FUT8: variants seen among roughly 807,000 people sequenced by gnomAD.
The protein encoded by FUT8 is fucosyltransferase 8, also known as alpha-(1,6)-fucosyltransferase.
A neutral mutation model predicts 71.3 loss-of-function variants in FUT8; 29 were observed. The ratio of observed to expected loss-of-function variants is 0.41; its 90% CI spans 0.30 to 0.55. FUT8 has a LOEUF of 0.55. Among genes scored for constraint, FUT8 ranks in the 20% least tolerant of loss-of-function variants. The pLI is 0.34. For synonymous variants in FUT8, 254 were observed against 239.3 expected (o/e 1.06, Z -0.57); for missense variants, 544 against 702.1 (o/e 0.77, Z 2.55).
chr14:65,450,073 C>T (rs10150412), intron 1 of FUT8, among the ~76,000 whole-genome samples: 104,995 of 152,050 alleles, frequency 0.69, 36,546 homozygotes, highest in East Asian at 0.9. Flanking sequence ...ATTTTGTGTG[C>T]ATATGTATGC....
At chr14:65,633,632 G>A (rs1222439814) in intron 6 of FUT8, among the ~76,000 whole-genome samples, 36 of 143,612 alleles carry the variant, frequency 2.5e-4, no homozygotes, top group East Asian at 2.3e-3. Flanking sequence ...CTGCCCCGCC[G>A]CCCCGTCTGG....
chr14:65,482,924 A>G (rs1594683590), intron 2 of FUT8, among the ~76,000 whole-genome samples: 1 of 152,094 alleles, frequency 6.6e-6, no homozygotes, highest in South Asian at 2.1e-4. Context: ...GTCAACCCAC[A>G]TTGGCTTTCC....
chr14:65,629,020 G>C (rs1434598493), intron 5 of FUT8, among the ~76,000 whole-genome samples: 3 of 152,168 alleles, frequency 2.0e-5, no homozygotes, highest in Non-Finnish European at 4.4e-5. Context: ...GGTTTATACT[G>C]TTAAGAGTTG....
chr14:65,573,896 A>G (rs1323809653), intron 3 of FUT8, among the ~76,000 whole-genome samples: 2 of 152,162 alleles, frequency 1.3e-5, no homozygotes, highest in African/African-American at 4.8e-5. Flanking sequence ...TGTTCAACAA[A>G]TTACCAACCT....
intron 3 of FUT8, among the ~76,000 whole-genome samples, chr14:65,605,451 G>T (rs1888530445): frequency 6.6e-6 from 1 of 151,884 alleles, no homozygotes; most frequent in Non-Finnish European, 1.5e-5. Flanking sequence ...GGTCATTAAG[G>T]TGGACCCTAA....
At chr14:65,656,341 C>T (rs1376015538) in intron 6 of FUT8, among the ~76,000 whole-genome samples, 3 of 151,938 alleles carry the variant, frequency 2.0e-5, no homozygotes, top group African/African-American at 4.8e-5. Flanking sequence ...TATATGCCAA[C>T]AGTGAGCAAT....
At chr14:65,399,678 T>C in the FUT8 span, among the ~76,000 whole-genome samples, 1 of 152,200 alleles carries the variant, frequency 6.6e-6, no homozygotes. Context: ...GCATGGATTA[T>C]TTTATTAGGG....
At chr14:65,422,292 G>T (rs2065310211) in intron 1 of FUT8, among the ~76,000 whole-genome samples, 2 of 151,996 alleles carry the variant, frequency 1.3e-5, no homozygotes, top group South Asian at 4.2e-4. Flanking sequence ...AAGGCTTGGG[G>T]GTTTGTAGCA....
intron 2 of FUT8, among the ~76,000 whole-genome samples, chr14:65,485,560 G>A (rs999622398): frequency 2.6e-5 from 4 of 152,142 alleles, no homozygotes; most frequent in Non-Finnish European, 5.9e-5. Flanking sequence ...ATATTCCTAA[G>A]TCTGCATGAT....
At chr14:65,439,933 A>G (rs2139476914) in intron 1 of FUT8, among the ~76,000 whole-genome samples, 1 of 103,320 alleles carries the variant, frequency 9.7e-6, no homozygotes, top group South Asian at 3.6e-4. Flanking sequence ...GAATGGATAA[A>G]GAAAATGTGT....
At chr14:65,508,790 C>A (rs1046859007) in intron 2 of FUT8, among the ~76,000 whole-genome samples, 1 of 152,088 alleles carries the variant, frequency 6.6e-6, no homozygotes. Context: ...GCCTGAGCCA[C>A]CGTGCTTGGC....
At chr14:65,525,588 T>G (rs1035771901) in intron 2 of FUT8, among the ~76,000 whole-genome samples, 1 of 152,226 alleles carries the variant, frequency 6.6e-6, no homozygotes, top group African/African-American at 2.4e-5. Context: ...CTTAGTTATT[T>G]CTTGCCTTCT....
chr14:65,529,494 A>G (rs1218232619), intron 2 of FUT8: 1 of 152,644 alleles, frequency 6.6e-6, no homozygotes, highest in Non-Finnish European at 1.5e-5. Flanking sequence ...TGGCCTTCCA[A>G]AGTGCTGGGA....
intron 2 of FUT8, among the ~76,000 whole-genome samples, chr14:65,497,599 A>C (rs2066578992): frequency 6.6e-6 from 1 of 151,774 alleles, no homozygotes; most frequent in Non-Finnish European, 1.5e-5. Context: ...GGAGGTGGTA[A>C]ATTTTTTCCA....
At chr14:65,714,403 T>C (rs547107016) in intron 7 of FUT8, among the ~76,000 whole-genome samples, 1 of 151,616 alleles carries the variant, frequency 6.6e-6, no homozygotes, top group Admixed American at 6.6e-5. Context: ...CTGTGTCTTT[T>C]GTGGTTCCAT....
intron 5 of FUT8, chr14:65,617,083 C>G: frequency 6.3e-7 from 1 of 1,586,064 alleles, no homozygotes; most frequent in Non-Finnish European, 8.5e-7. Context: ...GTCTATGTTT[C>G]CAGTAGGATT....
chr14:65,412,290 G>T (rs1036804499), upstream of FUT8: 7 of 456,474 alleles, frequency 1.5e-5, 1 homozygote, highest in South Asian at 6.2e-5. Flanking sequence ...GCAGCAGCGC[G>T]CACCCCTAAA....
intron 3 of FUT8, among the ~76,000 whole-genome samples, chr14:65,611,227 A>G (rs1435779956): frequency 2.8e-3 from 6 of 2,118 alleles, no homozygotes; most frequent in African/African-American, 6.2e-3. Flanking sequence ...GCGCGCGCAC[A>G]CACACACACA....
chr14:65,383,181 T>C, the FUT8 span, among the ~76,000 whole-genome samples: 1 of 151,918 alleles, frequency 6.6e-6, no homozygotes, highest in African/African-American at 2.4e-5. Flanking sequence ...ATCTTTCACA[T>C]GCTAGTAGAG....
Sources: allele counts gnomAD v4.1 joint callset (sites outside exome capture counted in the v4.1 genomes callset), GRCh38; gene constraint gnomAD v4.1.1; transcripts MANE v1.5; gene names NCBI Gene and HGNC (gene_info 2026-07-23, HGNC 2026-07-21).